The following NSG2 variants were observed in gnomAD, a reference collection of about 807,000 sequenced individuals.
The protein encoded by NSG2 is neuronal vesicle trafficking-associated protein 2.
In NSG2, 4 loss-of-function variants were observed where a neutral mutation model predicts 16.9. The ratio of observed to expected loss-of-function variants is 0.24; its 90% CI spans 0.12 to 0.54. The LOEUF (loss-of-function observed/expected upper bound fraction) is 0.54. Ranked by LOEUF, NSG2 falls within the 20% of genes least tolerant of loss-of-function variation. The pLI is 0.95. For synonymous variants in NSG2, 98 were observed against 88.7 expected (o/e 1.11, Z -0.59); for missense variants, 179 against 221.1 (o/e 0.81, Z 1.21).
intron 3 of NSG2, chr5:174,082,133 T>C (rs1214139340): frequency 2.0e-5 from 3 of 152,202 alleles, no homozygotes; most frequent in Non-Finnish European, 4.4e-5. Context: ...AGATTACATT[T>C]AGAAATGCAC....
chr5:174,105,360 G>T (rs1760959653), intron 4 of NSG2, among the ~76,000 whole-genome samples: 1 of 152,146 alleles, frequency 6.6e-6, no homozygotes, highest in South Asian at 2.1e-4. Flanking sequence ...TTGCCTCTCT[G>T]GGCCACTGCT....
At chr5:174,066,447 T>C (rs1357176848) in intron 3 of NSG2, among the ~76,000 whole-genome samples, 1 of 152,212 alleles carries the variant, frequency 6.6e-6, no homozygotes, top group African/African-American at 2.4e-5. Flanking sequence ...ATTAAAGTAT[T>C]GGAAACTAGA....
At chr5:174,075,555 G>A (rs1402632601) in intron 3 of NSG2, among the ~76,000 whole-genome samples, 1 of 152,076 alleles carries the variant, frequency 6.6e-6, no homozygotes, top group East Asian at 1.9e-4. Flanking sequence ...CTGTTTGGCC[G>A]AGTCCTGAAA....
At chr5:174,080,521 T>TCTC (rs1561668593) in intron 3 of NSG2, among the ~76,000 whole-genome samples, 2 of 86,856 alleles carry the variant, frequency 2.3e-5, no homozygotes, top group Non-Finnish European at 2.6e-5. Context: ...CCCTCTTTCT[T>TCTC]TCTTTCTCTC....
intron 3 of NSG2, among the ~76,000 whole-genome samples, chr5:174,084,378 T>C (rs1760557563): frequency 6.6e-6 from 1 of 152,200 alleles, no homozygotes; most frequent in South Asian, 2.1e-4. Context: ...ATCAAGCACC[T>C]ACTGCAACCA....
intron 3 of NSG2, among the ~76,000 whole-genome samples, chr5:174,083,129 G>A (rs1045095190): frequency 1.3e-5 from 2 of 152,126 alleles, no homozygotes; most frequent in Non-Finnish European, 2.9e-5. Context: ...GCTGGCCCAG[G>A]AGCCCCACTC....
chr5:174,098,379 G>C (rs575543813), intron 3 of NSG2, among the ~76,000 whole-genome samples: 4 of 152,224 alleles, frequency 2.6e-5, no homozygotes, highest in African/African-American at 4.8e-5. Flanking sequence ...GGGTGATATT[G>C]GCCTCCAAAG....
At chr5:174,104,392 A>T in intron 4 of NSG2, 54 bp downstream of exon 4, 4 of 1,257,042 alleles carry the variant, frequency 3.2e-6, no homozygotes, top group Non-Finnish European at 4.7e-6. Context: ...TAGAGGGTTG[A>T]TCAATGTCTT....
At chr5:174,091,644 G>GGT (rs35746227) in intron 3 of NSG2, among the ~76,000 whole-genome samples, 10,860 of 139,582 alleles carry the variant, frequency 0.078, 447 homozygotes, top group Middle Eastern at 0.11. Context: ...AACTAGGACT[G>GGT]GTGTGTGTGT....
intron 2 of NSG2, among the ~76,000 whole-genome samples, chr5:174,053,503 C>A (rs66840575): frequency 6.6e-6 from 1 of 151,934 alleles, no homozygotes; most frequent in Non-Finnish European, 1.5e-5. Flanking sequence ...CTGGGCTTTC[C>A]GCAGTGTTTC....
intron 3 of NSG2, among the ~76,000 whole-genome samples, chr5:174,071,368 T>A (rs1272704901): frequency 1.3e-5 from 2 of 152,072 alleles, no homozygotes; most frequent in Non-Finnish European, 2.9e-5. Flanking sequence ...CACCTATAGG[T>A]CCCAGCTACT....
intron 3 of NSG2, among the ~76,000 whole-genome samples, chr5:174,079,276 T>TA (rs1760406214): frequency 6.6e-6 from 1 of 151,522 alleles, no homozygotes; most frequent in African/African-American, 2.4e-5. Flanking sequence ...TTTTTTTTTT[T>TA]AGATGGAGTC....
At chr5:174,049,340 AAAACAAACAAAC>A (rs138598037) in intron 2 of NSG2, among the ~76,000 whole-genome samples, 1 of 151,986 alleles carries the variant, frequency 6.6e-6, no homozygotes, top group African/African-American at 2.4e-5. Flanking sequence ...ACACTGTCTC[AAAACAAACAAAC>A]AAACAAACAA....
At chr5:174,084,134 T>C (rs562115433) in intron 3 of NSG2, 2 of 152,270 alleles carry the variant, frequency 1.3e-5, no homozygotes, top group African/African-American at 4.8e-5. Flanking sequence ...TTTCCTTCCA[T>C]TTCCTCCATT....
intron 3 of NSG2, among the ~76,000 whole-genome samples, chr5:174,092,626 G>A (rs942746383): frequency 6.6e-6 from 1 of 152,188 alleles, no homozygotes; most frequent in African/African-American, 2.4e-5. Context: ...TAACAACAAT[G>A]ACAACAAGAA....
intron 3 of NSG2, among the ~76,000 whole-genome samples, chr5:174,065,100 G>T (rs889197532): frequency 6.6e-6 from 1 of 152,156 alleles, no homozygotes; most frequent in Non-Finnish European, 1.5e-5. Flanking sequence ...AGGCTGAGTC[G>T]GATGGATCAC....
chr5:174,051,786 G>C (rs532553964), intron 2 of NSG2, among the ~76,000 whole-genome samples: 21 of 152,242 alleles, frequency 1.4e-4, no homozygotes, highest in Non-Finnish European at 2.6e-4. Context: ...ATTAAGGAAA[G>C]AACAAGATGT....
intron 2 of NSG2, among the ~76,000 whole-genome samples, chr5:174,060,350 C>T (rs1382311705): frequency 6.6e-6 from 1 of 151,740 alleles, no homozygotes; most frequent in Admixed American, 6.6e-5. Context: ...GCGAGAAAGA[C>T]TAAGAAGCAA....
At chr5:174,051,143 AT>A (rs997243846) in intron 2 of NSG2, among the ~76,000 whole-genome samples, 1 of 151,990 alleles carries the variant, frequency 6.6e-6, no homozygotes, top group African/African-American at 2.4e-5. Context: ...GTCTGGAGAC[AT>A]TTTTCGATGT....
Sources: allele counts gnomAD v4.1 joint callset (sites outside exome capture counted in the v4.1 genomes callset), GRCh38; gene constraint gnomAD v4.1.1; transcripts MANE v1.5; gene names NCBI Gene and HGNC (gene_info 2026-07-23, HGNC 2026-07-21).